The following MYOF variants were observed in gnomAD, a reference collection of about 807,000 sequenced individuals.
MYOF encodes the protein fer-1-like 3, myoferlin.
In MYOF, 244 loss-of-function variants were observed where a neutral mutation model predicts 284.2. The observed-to-expected ratio is 0.86, with a 90% CI of 0.77 to 0.95. The LOEUF (loss-of-function observed/expected upper bound fraction) is 0.95. MYOF is among the 40% of genes least tolerant of loss of function. The probability of loss-of-function intolerance (pLI) is 0.00; values close to 1 mark genes in which losing one functional copy is unlikely to be tolerated. For synonymous variants in MYOF, 904 were observed against 919.7 expected (o/e 0.98, Z 0.31); for missense variants, 2,496 against 2,560.6 (o/e 0.97, Z 0.54).
rs2133888100 is a variant in MYOF at position 93,351,435 on chromosome 10, G to A, written c.3800C>T (p.Ala1267Val). 6.2e-7 allele frequency: 1 copy of A among 1,614,186 alleles called. No homozygotes were observed. The highest frequency in any genetic ancestry group is 8.5e-7 in the Non-Finnish European group (1 of 1,180,022). ...DKACGDVLVTAELILRGKDGS... is the reference protein window; with the variant it reads ...DKACGDVLVTVELILRGKDGS... ...TACCTTGCCCCTCAGAATCAGCTCT[G>A]CAGTTACAAGAACATCCCCGCAGGC... Residue 1267 changes from alanine (A) to valine (V), a missense_variant, in exon 34 of 54, where the codon GCA becomes GTA. Coordinates refer to ENST00000359263, the MANE Select transcript of MYOF (RefSeq NM_013451.4).
intron 43 of MYOF, among the ~76,000 whole-genome samples, chr10:93,332,568 T>A (rs34801701): frequency 8.7e-4 from 131 of 150,624 alleles, no homozygotes; most frequent in African/African-American, 3.0e-3. Flanking sequence ...AGTCTCAGCC[T>A]GTCGCGGTGG....
intron 16 of MYOF, among the ~76,000 whole-genome samples, chr10:93,394,647 A>C (rs1225448848): frequency 2.0e-5 from 3 of 148,426 alleles, no homozygotes; most frequent in South Asian, 2.1e-4. Context: ...TTTTTAATGG[A>C]GACGGGGTTT....
At chr10:93,385,112 T>C (rs1376635076) in intron 19 of MYOF, among the ~76,000 whole-genome samples, 1 of 152,212 alleles carries the variant, frequency 6.6e-6, no homozygotes, top group Non-Finnish European at 1.5e-5. Context: ...ATACATTCGG[T>C]CACATCCAAG....
intron 3 of MYOF, among the ~76,000 whole-genome samples, chr10:93,444,450 C>T (rs2056369734): frequency 1.3e-5 from 2 of 152,156 alleles, no homozygotes; most frequent in African/African-American, 2.4e-5. Context: ...CCAGCACATA[C>T]CCTGAGTACT....
intron 45 of MYOF, 69 bp from the exon 46 acceptor site, chr10:93,326,034 TG>T (rs1843031706): frequency 1.3e-6 from 2 of 1,592,870 alleles, no homozygotes; most frequent in Admixed American, 3.5e-5. Flanking sequence ...TGCCTAGAGC[TG>T]CTTCCAGCAC....
chr10:93,456,685 G>A (rs546040765), intron 2 of MYOF, among the ~76,000 whole-genome samples, 197 bp downstream of exon 2: 1 of 152,292 alleles, frequency 6.6e-6, no homozygotes, highest in South Asian at 2.1e-4. Context: ...CGCCACTGCT[G>A]TACAGAAGAT....
chr10:93,334,935 C>G (rs1182507462), intron 41 of MYOF, among the ~76,000 whole-genome samples: 6 of 152,168 alleles, frequency 3.9e-5, no homozygotes, highest in Non-Finnish European at 8.8e-5. Context: ...CTGCTACAGG[C>G]AAAGGATTAT....
chr10:93,439,319 G>A (rs991207907), intron 3 of MYOF, among the ~76,000 whole-genome samples: 10 of 152,224 alleles, frequency 6.6e-5, no homozygotes, highest in African/African-American at 2.4e-4. Flanking sequence ...TGGAGGAGAT[G>A]CTGAATATTA....
At chr10:93,333,621 C>T (rs1843448796) in intron 42 of MYOF, 137 bp downstream of exon 42, 2 of 1,207,468 alleles carry the variant, frequency 1.7e-6, no homozygotes, top group Non-Finnish European at 1.2e-6. Context: ...GACAATCCTC[C>T]TGAATACATT....
At chr10:93,376,565 T>G (rs916411113) in intron 22 of MYOF, among the ~76,000 whole-genome samples, 2 of 152,170 alleles carry the variant, frequency 1.3e-5, no homozygotes, top group Admixed American at 1.3e-4. Flanking sequence ...GCTTTACCAC[T>G]AGGAGGCACA....
chr10:93,388,007 C>A, intron 18 of MYOF, 94 bp from the exon 19 acceptor site: 8 of 945,024 alleles, frequency 8.5e-6, no homozygotes, highest in Non-Finnish European at 1.2e-5. Context: ...CAAAAAGTTT[C>A]TCCTTCCCAT....
At chr10:93,323,407 C>CAGA in intron 46 of MYOF, 49 bp from the exon 47 acceptor site, 3 of 1,455,434 alleles carry the variant, frequency 2.1e-6, no homozygotes, top group Non-Finnish European at 2.8e-6. Context: ...TGATGGGTAG[C>CAGA]AGAAGTCACA....
intron 5 of MYOF, among the ~76,000 whole-genome samples, chr10:93,410,448 T>C (rs893705041): frequency 2.6e-5 from 4 of 152,138 alleles, no homozygotes; most frequent in Non-Finnish European, 2.9e-5. Context: ...TATTTGCAGA[T>C]CCTACTACCT....
intron 23 of MYOF, among the ~76,000 whole-genome samples, chr10:93,374,441 G>T (rs1032407290): frequency 1.2e-4 from 18 of 152,168 alleles, no homozygotes; most frequent in Admixed American, 6.5e-4. Context: ...CCCAACCCCA[G>T]CCAAAGCTGA....
intron 36 of MYOF, among the ~76,000 whole-genome samples, chr10:93,348,248 C>G (rs1370904683): frequency 6.6e-6 from 1 of 152,158 alleles, no homozygotes; most frequent in Non-Finnish European, 1.5e-5. Context: ...AAGTTCTGAG[C>G]AGACTTTAGA....
At chr10:93,380,356 A>C (rs527862660) in intron 20 of MYOF, among the ~76,000 whole-genome samples, 14 of 152,316 alleles carry the variant, frequency 9.2e-5, no homozygotes, top group Admixed American at 2.6e-4. Context: ...TTCTAAATAA[A>C]TGTTTTTGTT....
chr10:93,428,095 A>G (rs1848675795), intron 4 of MYOF, among the ~76,000 whole-genome samples: 1 of 151,750 alleles, frequency 6.6e-6, no homozygotes, highest in African/African-American at 2.4e-5. Flanking sequence ...ACACACACAT[A>G]TGCACACACA....
At chr10:93,473,874 G>A (rs1357906127) in intron 1 of MYOF, among the ~76,000 whole-genome samples, 1 of 152,118 alleles carries the variant, frequency 6.6e-6, no homozygotes, top group Non-Finnish European at 1.5e-5. Context: ...AGCAAAATTT[G>A]TCTTCAAAGA....
intron 25 of MYOF, among the ~76,000 whole-genome samples, chr10:93,368,797 A>G (rs987029764): frequency 6.6e-6 from 1 of 152,224 alleles, no homozygotes; most frequent in Non-Finnish European, 1.5e-5. Flanking sequence ...TAGCAGGAAT[A>G]GATTTCTAGA....
Sources: allele counts gnomAD v4.1 joint callset (sites outside exome capture counted in the v4.1 genomes callset), GRCh38; gene constraint gnomAD v4.1.1; transcripts MANE v1.5; gene names NCBI Gene and HGNC (gene_info 2026-07-23, HGNC 2026-07-21).